The following NFASC variants were observed in gnomAD, a reference collection of about 807,000 sequenced individuals.
The protein encoded by NFASC is neurofascin homolog.
In NFASC, 43 loss-of-function variants were observed where a neutral mutation model predicts 147.5. The ratio of observed to expected loss-of-function variants is 0.29; its 90% CI spans 0.23 to 0.38. NFASC has a LOEUF of 0.38. NFASC is among the 10% of genes least tolerant of loss of function. The probability of loss-of-function intolerance (pLI) is 1.00; values close to 1 mark genes in which losing one functional copy is unlikely to be tolerated. For missense variants in NFASC, 1,320 were observed against 1,689.0 expected (o/e 0.78, Z 3.83); for synonymous variants, 622 against 665.5 (o/e 0.93, Z 1.01).
At chr1:204,872,595 TG>T (rs1000929414) in intron 1 of NFASC, among the ~76,000 whole-genome samples, 2 of 152,142 alleles carry the variant, frequency 1.3e-5, no homozygotes, top group Non-Finnish European at 2.9e-5. Context: ...CCAAGCTTTT[TG>T]GGGGCTCCTA....
intron 1 of NFASC, among the ~76,000 whole-genome samples, chr1:204,900,735 A>G (rs576571434): frequency 6.6e-6 from 1 of 152,294 alleles, no homozygotes; most frequent in East Asian, 1.9e-4. Context: ...CCTCACTGAG[A>G]GGGGGACACT....
rs118064081 is a variant in NFASC, at chr1:205,012,676, A to G, written c.3422-121A>G. 1.4e-3 allele frequency: 1,126 copies of G among 778,214 alleles called. 3 individuals are homozygous for G. The highest frequency in any genetic ancestry group is 0.011 in the East Asian group (448 of 40,512). 48.2% of individuals were successfully genotyped at this position (778,214 alleles called of 1,614,324 possible). A position where few individuals can be genotyped will look rare whatever the true frequency, so the allele number is the denominator to read the frequency against. On this transcript the variant is annotated intron_variant, in intron 28 of 29. Transcript: ENST00000339876. ...AGGGAGGCGTGGATGGTGCCTTGTT[A>G]AAAAAGAGTGTCAGTGAGCCCAGGG...
chr1:205,008,176 C>T (rs974015790), intron 27 of NFASC, among the ~76,000 whole-genome samples: 7 of 152,282 alleles, frequency 4.6e-5, no homozygotes, highest in South Asian at 2.1e-4. Context: ...GTCTTCACCC[C>T]GTACTGGGAA....
intron 2 of NFASC, among the ~76,000 whole-genome samples, chr1:204,939,810 G>A (rs553082934): frequency 6.6e-5 from 10 of 152,382 alleles, no homozygotes; most frequent in African/African-American, 2.4e-4. Context: ...TCAGGACAGG[G>A]GAACTGTAAG....
chr1:204,974,599 C>T lies in NFASC; in HGVS notation c.1392-58C>T, dbSNP rs778916121. On this transcript the variant is annotated intron_variant, in intron 13 of 29. Transcript: ENST00000339876. The stretch of plus-strand genomic sequence containing the variant: ...TGGTCTCTCTTGATTGGCTGCTGCC[C>T]CTGCCCTTGGGCTGGTCCTGTCTCA... The T allele has an allele frequency of 5.7e-6, 9 of 1,586,114 alleles. No individual in the cohort carries two copies. In the South Asian group the frequency reaches 8.8e-5, roughly 16 times the overall value.
chr1:205,001,091 TTGTG>T (rs2095973732), intron 25 of NFASC, 75 bp from the exon 26 acceptor site: 1 of 809,768 alleles, frequency 1.2e-6, no homozygotes, highest in Non-Finnish European at 2.1e-6. Flanking sequence ...ATGCACACGC[TTGTG>T]TGTATGTGTG....
At chr1:204,997,672 A>T in intron 25 of NFASC, 2 of 564,056 alleles carry the variant, frequency 3.5e-6, no homozygotes, top group South Asian at 4.0e-5. Context: ...CTAGCTTCAG[A>T]TCCCTGTTCC....
Position 204,945,538 on chromosome 1 carries a change from A to G in NFASC, c.91+1132A>G, listed in dbSNP as rs151136212. On this transcript the variant is annotated intron_variant, in intron 3 of 29. Coordinates refer to ENST00000339876, the MANE Select transcript of NFASC (RefSeq NM_001005388.3). Reference sequence around the variant, plus strand: ...AGCTGCCCCTGCCCCAGAGGAGGGGACTTTTTGGATGATAGAACACCAGTA... The same window carrying G: ...AGCTGCCCCTGCCCCAGAGGAGGGGGCTTTTTGGATGATAGAACACCAGTA... Among the ~76,000 whole-genome samples the G allele has an allele frequency of 4.6e-5, 7 of 152,230 alleles. No homozygotes were observed. In the East Asian group the frequency reaches 1.4e-3, roughly 29 times the overall value.
intron 1 of NFASC, among the ~76,000 whole-genome samples, chr1:204,851,268 T>C (rs1251661096): frequency 6.6e-6 from 1 of 152,138 alleles, no homozygotes; most frequent in Non-Finnish European, 1.5e-5. Flanking sequence ...TATTGTAATA[T>C]AATTTGACCC....
chr1:204,843,837 G>A (rs1206742422), intron 1 of NFASC, among the ~76,000 whole-genome samples: 2 of 151,904 alleles, frequency 1.3e-5, no homozygotes, highest in African/African-American at 2.4e-5. Flanking sequence ...TTAGCCTCCC[G>A]AGTAGCTGGG....
At chr1:204,889,425 T>C (rs987305578) in intron 1 of NFASC, among the ~76,000 whole-genome samples, 5 of 152,218 alleles carry the variant, frequency 3.3e-5, no homozygotes, top group Non-Finnish European at 7.3e-5. Flanking sequence ...ATTACCCTTT[T>C]GGTGATAGTA....
chr1:204,952,470 G>C (rs560668939), intron 5 of NFASC, among the ~76,000 whole-genome samples: 4 of 152,160 alleles, frequency 2.6e-5, no homozygotes, highest in Non-Finnish European at 5.9e-5. Context: ...TTCTGAGCTT[G>C]CCTCTACCTG....
chr1:205,009,655 T>C lies in NFASC; in HGVS notation c.3388T>C (p.Phe1130Leu). 6.2e-7 allele frequency: 1 copy of C among 1,614,132 alleles called. No individual in the cohort carries two copies. ...GGTGCTGATCCTGCTCATCGTCTGT[T>C]TCATCAAGAGGAGTCGCGGCGGCAA... ...LLVLILLIVC[F>L]IKRSRGGKYP... The change falls in exon 28 of 30, where the codon TTC becomes CTC. Residue 1130 changes from phenylalanine (F) to leucine (L), a missense_variant. This residue lies in a region of NFASC where 167 missense variants were observed against 233.8 expected (regional missense o/e 0.71). Coordinates refer to ENST00000339876, the MANE Select transcript of NFASC (RefSeq NM_001005388.3).
At chr1:204,999,655 T>C (rs2095929233) in intron 25 of NFASC, 1 of 149,900 alleles carries the variant, frequency 6.7e-6, no homozygotes, top group Non-Finnish European at 1.5e-5. Context: ...AATCACTTTC[T>C]TGGTCCCTCA....
At chr1:204,884,911 G>C (rs2081009800) in intron 1 of NFASC, among the ~76,000 whole-genome samples, 1 of 152,178 alleles carries the variant, frequency 6.6e-6, no homozygotes, top group Non-Finnish European at 1.5e-5. Context: ...ACACAGGAAA[G>C]AGAGGATGTG....
At chr1:204,948,714 C>A in intron 3 of NFASC, 1 of 519,024 alleles carries the variant, frequency 1.9e-6, no homozygotes, top group Admixed American at 1.9e-5. Flanking sequence ...ATTCCCTGGA[C>A]AATGTCTAGG....
At chr1:204,930,498 G>C (rs2092270297) in intron 2 of NFASC, among the ~76,000 whole-genome samples, 1 of 152,174 alleles carries the variant, frequency 6.6e-6, no homozygotes, top group Non-Finnish European at 1.5e-5. Flanking sequence ...TAGGATGTCT[G>C]TCCACTCATC....
chr1:204,968,292 G>A lies in NFASC; in HGVS notation c.750G>A (p.Gln250=). 1 of 1,614,180 alleles carries A rather than the reference G, an allele frequency of 6.2e-7. No individual in the cohort carries two copies. Among genetic ancestry groups the A allele is most frequent in the Non-Finnish European group, 8.5e-7 (1 of 1,180,022 alleles). ...AERTPSFMYP[Q]GTASSQMVLR... Reference sequence around the variant, plus strand: ...GAACACCAAGCTTCATGTATCCCCAGGGCACCGCGAGCAGCCAGATGGTGC... The same window carrying A: ...GAACACCAAGCTTCATGTATCCCCAAGGCACCGCGAGCAGCCAGATGGTGC... Residue 250 remains glutamine (Q), a synonymous_variant, in exon 9 of 30, where the codon CAG becomes CAA. Coordinates refer to ENST00000339876, the MANE Select transcript of NFASC (RefSeq NM_001005388.3). The surrounding 1 kb of genome is among the most constrained non-coding windows in gnomAD (Gnocchi z 5.4).
At chr1:204,889,567 C>T (rs560292145) in intron 1 of NFASC, among the ~76,000 whole-genome samples, 4 of 152,322 alleles carry the variant, frequency 2.6e-5, no homozygotes, top group South Asian at 2.1e-4. Context: ...AATAGTCTTA[C>T]GGTGTTCACT....
Sources: allele counts gnomAD v4.1 joint callset (sites outside exome capture counted in the v4.1 genomes callset), GRCh38; gene constraint gnomAD v4.1.1; regional missense constraint gnomAD v4.1.1; non-coding constraint Gnocchi (gnomAD v3.1); transcripts MANE v1.5; gene names NCBI Gene and HGNC (gene_info 2026-07-23, HGNC 2026-07-21).